BAX: variants seen among roughly 807,000 people sequenced by gnomAD.
BAX encodes the protein apoptosis regulator BAX.
A neutral mutation model predicts 26.8 loss-of-function variants in BAX; 21 were observed. The observed-to-expected ratio is 0.78, with a 90% confidence interval of 0.56 to 1.13. The LOEUF is 1.13. Among genes scored for constraint, BAX ranks in the 50% most tolerant of loss-of-function variants. BAX has a pLI of 0.00. For missense variants in BAX, 236 were observed against 254.6 expected, an observed-to-expected ratio of 0.93 and a Z score of 0.50; for synonymous variants, 110 against 101.8, an observed-to-expected ratio of 1.08 and a Z score of -0.49.
At chr19:48,961,081 T>C in intron 5 of BAX, 167 bp downstream of exon 5, 1 of 1,596,822 alleles carries the variant, frequency 6.3e-7, no homozygotes, top group East Asian at 2.2e-5. Context: ...TATAATGCGT[T>C]TTCCTTACGT....
chr19:48,955,279 G>T, intron 1 of BAX: 1 of 421,452 alleles, frequency 2.4e-6, no homozygotes, highest in Non-Finnish European at 4.1e-6. Context: ...GGCGGGTCTC[G>T]CCTCTGCCCC....
intron 4 of BAX, among the ~76,000 whole-genome samples, chr19:48,957,239 G>C (rs781717502): frequency 1.4e-4 from 20 of 147,430 alleles, no homozygotes; most frequent in Non-Finnish European, 2.4e-4. Context: ...GGAGTTTTTC[G>C]GGCTGCTGGA....
At chr19:48,958,241 A>G (rs2038213792) in intron 4 of BAX, among the ~76,000 whole-genome samples, 1 of 150,798 alleles carries the variant, frequency 6.6e-6, no homozygotes, top group South Asian at 2.1e-4. Context: ...GGAGCATGCC[A>G]CCACGCCCCA....
rs201578495 is a variant in BAX at position 48,956,297 on chromosome 19, C to T, written c.333C>T (p.Val111=). The stretch of plus-strand genomic sequence containing the variant: ...GCAACTTCAACTGGGGCCGGGTTGT[C>T]GCCCTTTTCTACTTTGCCAGCAAAC... ...SDGNFNWGRV[V]ALFYFASKLV... The change falls in exon 4 of 6, where the codon GTC becomes GTT. Residue 111 remains valine, a synonymous_variant. Coordinates refer to ENST00000345358, the MANE Select transcript of BAX (RefSeq NM_138761.4). 1,227 of 1,585,882 alleles carry T rather than the reference C, an allele frequency of 7.7e-4. 15 individuals carry two copies. In the South Asian group the frequency reaches 9.8e-3, roughly 13 times the overall value.
At chr19:48,956,525 C>A (rs1423082552) in intron 4 of BAX, among the ~76,000 whole-genome samples, 192 bp downstream of exon 4, 1 of 152,190 alleles carries the variant, frequency 6.6e-6, no homozygotes, top group East Asian at 1.9e-4. Flanking sequence ...ATGTGCCAGG[C>A]CTATACCTGG....
At position 48,960,972 on chromosome 19, in the gene BAX, C is replaced by G. The variant is rs753795347; in HGVS notation, c.474+58C>G. 4 of 1,612,652 alleles carry G rather than the reference C, an allele frequency of 2.5e-6. No individual in the cohort carries two copies. The South Asian group carries it at 4.4e-5, about 18-fold the overall frequency. ...CCGCGCCCTCACCACCGCCCCTGCCCCACCGTCCCTGCCCCCCGCCACTCC... is the reference window on the plus strand; with the variant it reads ...CCGCGCCCTCACCACCGCCCCTGCCGCACCGTCCCTGCCCCCCGCCACTCC... On this transcript the variant is annotated intron_variant, in intron 5 of 5. Transcript: ENST00000345358.
intron 4 of BAX, 23 bp from the exon 5 acceptor site, chr19:48,960,787 A>C (rs1461376416): frequency 1.3e-6 from 2 of 1,585,718 alleles, no homozygotes; most frequent in South Asian, 2.2e-5. Flanking sequence ...TTCAGTCCCT[A>C]ACGCCCACTC....
rs1324481275 is a variant in BAX, at chr19:48,956,014, C to T, written c.233+181C>T. ...ATCTTAAAACCCTCCTTCAGGGAGT[C>T]ATTTTTCCCACCTTCCTAAATGTCT... is the stretch of plus-strand genomic sequence containing the variant. On this transcript the variant is annotated intron_variant, in intron 3 of 5. Transcript: ENST00000345358. The T allele has an allele frequency of 2.7e-6, 3 of 1,127,278 alleles. No individual in the cohort carries two copies. The East Asian group carries it at 8.1e-5, about 30-fold the overall frequency. The allele number at this position is 1,127,278 out of a possible 1,614,324, so 69.8% of individuals were successfully genotyped here. A position where few individuals can be genotyped will look rare whatever the true frequency, so the allele number is the denominator to read the frequency against.
At chr19:48,955,023 C>T in intron 1 of BAX, 61 bp downstream of exon 1, 1 of 1,241,052 alleles carries the variant, frequency 8.1e-7, no homozygotes, top group Non-Finnish European at 1.0e-6. Flanking sequence ...CGTCCGGGAT[C>T]CTTCCTACCG....
chr19:48,955,965 C>A (rs2038113061), intron 3 of BAX, 132 bp downstream of exon 3: 2 of 1,195,300 alleles, frequency 1.7e-6, no homozygotes, highest in South Asian at 1.7e-5. Context: ...ACATTCCGGA[C>A]TCCCAGCCCT....
chr19:48,956,082 C>G, intron 3 of BAX, 116 bp from the exon 4 acceptor site: 1 of 1,357,458 alleles, frequency 7.4e-7, no homozygotes, highest in South Asian at 1.6e-5. Context: ...TGTTGCTTTT[C>G]ATTTCAGCCT....
chr19:48,957,489 G>T (rs1164754793), intron 4 of BAX, among the ~76,000 whole-genome samples: 1 of 151,332 alleles, frequency 6.6e-6, no homozygotes, highest in Non-Finnish European at 1.5e-5. Context: ...TGGCCAGGCT[G>T]GTCTCAAACT....
intron 1 of BAX, chr19:48,955,205 A>C (rs2122329637): frequency 4.3e-6 from 2 of 466,402 alleles, no homozygotes; most frequent in East Asian, 7.1e-5. Context: ...CTCGGAAGCC[A>C]AGCCCCCGGG....
At chr19:48,961,019 G>A (rs1169052268) in intron 5 of BAX, 105 bp downstream of exon 5, 1 of 1,612,354 alleles carries the variant, frequency 6.2e-7, no homozygotes, top group African/African-American at 1.3e-5. Context: ...GGGCCTTCTG[G>A]AGCAGGTCAC....
At chr19:48,958,510 C>T (rs545809827) in intron 4 of BAX, among the ~76,000 whole-genome samples, 1 of 150,100 alleles carries the variant, frequency 6.7e-6, no homozygotes, top group Non-Finnish European at 1.5e-5. Flanking sequence ...CCCCACCACA[C>T]CAGCAAATGG....
At chr19:48,960,945 C>G (rs2038332049) in intron 5 of BAX, 31 bp downstream of exon 5, 1 of 1,613,342 alleles carries the variant, frequency 6.2e-7, no homozygotes, top group Non-Finnish European at 8.5e-7. Context: ...TCACCCCCAC[C>G]ACCGCGCCCT....
intron 3 of BAX, 136 bp from the exon 4 acceptor site, chr19:48,956,062 C>G (rs1282209732): frequency 4.0e-6 from 5 of 1,243,526 alleles, no homozygotes; most frequent in Non-Finnish European, 5.4e-6. Flanking sequence ...TCCCTTGTCC[C>G]CCGTTGGCCT....
chr19:48,961,063 A>G (rs2038339932), intron 5 of BAX, 149 bp downstream of exon 5: 1 of 1,608,168 alleles, frequency 6.2e-7, no homozygotes, highest in African/African-American at 1.3e-5. Flanking sequence ...AGATCATCAG[A>G]TGTGGTCTAT....
rs2038101851 is a variant in BAX, at chr19:48,955,742, G to T, written c.142G>T (p.Asp48Tyr). Residue 48 changes from aspartate (D) to tyrosine (Y), a missense_variant, in exon 3 of 6, where the codon GAC becomes TAC. Transcript: ENST00000345358. ...MGGEAPELAL[D>Y]PVPQDASTKK... ...GGGGGAGGCACCCGAGCTGGCCCTG[G>T]ACCCGGTGCCTCAGGATGCGTCCAC... is the stretch of plus-strand genomic sequence containing the variant. 9 of 1,613,438 alleles carry T rather than the reference G, an allele frequency of 5.6e-6. No individual in the cohort carries two copies. The highest frequency in any genetic ancestry group is 7.6e-6 in the Non-Finnish European group (9 of 1,179,792).
Sources: allele counts gnomAD v4.1 joint callset (sites outside exome capture counted in the v4.1 genomes callset), GRCh38; gene constraint gnomAD v4.1.1; transcripts MANE v1.5; gene names NCBI Gene and HGNC (gene_info 2026-07-23, HGNC 2026-07-21).